The following NEXMIF variants were observed in gnomAD, a reference collection of about 807,000 sequenced individuals.
NEXMIF encodes the protein neurite extension and migration factor.
NEXMIF carries 8 observed loss-of-function variants against 62.1 expected under a neutral mutation model. That is an observed-to-expected ratio of 0.13 (90% CI 0.08 to 0.23). The LOEUF is 0.23. Ranked by LOEUF, NEXMIF falls within the 10% of genes least tolerant of loss-of-function variation. The pLI is 1.00. For missense variants in NEXMIF, 976 were observed against 1,113.3 expected (o/e 0.88, Z 1.75); for synonymous variants, 404 against 416.6 (o/e 0.97, Z 0.37).
chrX:74,856,476 G>A (rs992626116), intron 1 of NEXMIF, among the ~76,000 whole-genome samples: 18 of 111,483 alleles, frequency 1.6e-4, no homozygotes, highest in African/African-American at 3.9e-4. Context: ...GCCCAGAAGC[G>A]GAGGAGAGAG....
At chrX:74,833,349 A>T (rs2080445104) in intron 1 of NEXMIF, among the ~76,000 whole-genome samples, 1 of 111,781 alleles carries the variant, frequency 8.9e-6, no homozygotes, top group Non-Finnish European at 1.9e-5. Context: ...ACCCTTTATC[A>T]TTATATAATG....
intron 1 of NEXMIF, among the ~76,000 whole-genome samples, chrX:74,837,977 T>G (rs1179715864): frequency 9.0e-6 from 1 of 111,562 alleles, no homozygotes; most frequent in African/African-American, 3.3e-5. Flanking sequence ...GTGTCTTTTA[T>G]AAGTAAGTGG....
At chrX:74,753,609 T>A (rs1206542047) in intron 1 of NEXMIF, among the ~76,000 whole-genome samples, 1 of 111,033 alleles carries the variant, frequency 9.0e-6, no homozygotes, top group African/African-American at 3.3e-5. Flanking sequence ...CCAAAATCCA[T>A]CTGAGAAGTA....
chrX:74,802,314 C>T (rs979763051), intron 1 of NEXMIF, among the ~76,000 whole-genome samples: 3 of 111,327 alleles, frequency 2.7e-5, no homozygotes, highest in African/African-American at 6.5e-5. Flanking sequence ...GGTGGTCACG[C>T]GGGGTGCTTG....
intron 1 of NEXMIF, among the ~76,000 whole-genome samples, chrX:74,890,069 C>T (rs932253624): frequency 1.9e-5 from 2 of 107,231 alleles, no homozygotes; most frequent in Admixed American, 2.0e-4. Flanking sequence ...TTAGTTTCTT[C>T]CTTCTCCCTG....
In NEXMIF at chrX:74,758,156, T is replaced by C. The variant is rs187058592; in HGVS notation, c.-47-12459A>G. ...CATGCCAAATTAGAATGTCTGTCTC[T>C]TGGGGAAGAGGAGAGTGGGTGGGAA... is the stretch of plus-strand genomic sequence containing the variant. On this transcript the variant is annotated intron_variant, in intron 1 of 3. Transcript: ENST00000055682. Among the ~76,000 whole-genome samples, 86 of 111,203 alleles carry C rather than the reference T, an allele frequency of 7.7e-4. No homozygotes were observed. In the East Asian group the frequency reaches 0.016, roughly 21 times the overall value.
At chrX:74,875,816 T>C (rs1387958263) in intron 1 of NEXMIF, among the ~76,000 whole-genome samples, 1 of 112,067 alleles carries the variant, frequency 8.9e-6, no homozygotes, top group Non-Finnish European at 1.9e-5. Flanking sequence ...TGGTAGTTTG[T>C]ATTTCTGTGG....
chrX:74,740,094 T>C lies in NEXMIF; in HGVS notation c.4457+6A>G. 3.3e-6 allele frequency: 4 copies of C among 1,204,968 alleles called. No individual in the cohort carries two copies. The South Asian group carries it at 7.1e-5, about 21-fold the overall frequency. On this transcript the variant is annotated splice_donor_region_variant and intron_variant, in intron 3 of 3. Coordinates refer to ENST00000055682, the MANE Select transcript of NEXMIF (RefSeq NM_001008537.3). The stretch of plus-strand genomic sequence containing the variant: ...CATCATCTCAGCCATACTGGTGCAG[T>C]ATTACCTCAGTTTTTCAAAAGAAGC...
chrX:74,780,383 T>C lies in NEXMIF; in HGVS notation c.-47-34686A>G, dbSNP rs770639879. On this transcript the variant is annotated intron_variant, in intron 1 of 3. Transcript: ENST00000055682. Reference sequence around the variant, plus strand: ...GATAAAACCATCTTACTGTTTTTTTTTTTTTTTCTTAGAGATGGGGTCTGG... The same window carrying C: ...GATAAAACCATCTTACTGTTTTTTTCTTTTTTTCTTAGAGATGGGGTCTGG... 3.4e-3 allele frequency among the ~76,000 whole-genome samples: 375 copies of C among 109,186 alleles called. 2 individuals are homozygous for C. Among genetic ancestry groups the C allele is most frequent in the African/African-American group, 0.012 (358 of 29,980 alleles). The allele number at this position is 109,186 out of a possible 115,157, so 94.8% of individuals were successfully genotyped here.
intron 1 of NEXMIF, among the ~76,000 whole-genome samples, chrX:74,774,469 C>A (rs2080222654): frequency 9.0e-6 from 1 of 111,329 alleles, no homozygotes; most frequent in Non-Finnish European, 1.9e-5. Flanking sequence ...AGAAATCAGA[C>A]CTTTGGAGCC....
chrX:74,794,351 G>C lies in NEXMIF; in HGVS notation c.-47-48654C>G, dbSNP rs1368682394. ...TGCCCGTTCTCAGATCTCCAGCTGC[G>C]TGCTGGGAGAACCACTGCTCTCTTC... On this transcript the variant is annotated intron_variant, in intron 1 of 3. Transcript: ENST00000055682. 1.0e-3 allele frequency among the ~76,000 whole-genome samples: 107 copies of C among 105,478 alleles called. 3 individuals carry two copies. Among genetic ancestry groups the C allele is most frequent in the Non-Finnish European group, 1.8e-3 (90 of 51,019 alleles). 91.6% of individuals were successfully genotyped at this position (105,478 alleles called of 115,157 possible).
At chrX:74,830,962 GT>G (rs1023636105) in intron 1 of NEXMIF, among the ~76,000 whole-genome samples, 2 of 101,239 alleles carry the variant, frequency 2.0e-5, no homozygotes, top group African/African-American at 3.4e-5. Context: ...TGGCATCGTT[GT>G]TTTTTTTCAA....
chrX:74,847,602 G>A (rs2080496528), intron 1 of NEXMIF, among the ~76,000 whole-genome samples: 1 of 111,542 alleles, frequency 9.0e-6, no homozygotes, highest in African/African-American at 3.3e-5. Context: ...GAAAGGGACA[G>A]CATGAATTTT....
rs1255360749 is a variant in NEXMIF at position 74,741,518 on chromosome X, G to A, written c.3039C>T (p.Ser1013=). 8.3e-7 allele frequency: 1 copy of A among 1,211,557 alleles called. No homozygotes were observed. Among genetic ancestry groups the A allele is most frequent in the South Asian group, 1.8e-5 (1 of 56,956 alleles). ...SSNYCSLSLK[S]CEKDGDDDIT... ...TATCATCATCGCCATCCTTTTCACA[G>A]GACTTCAAGCTTAAGGAGCAATAAT... Residue 1013 remains serine (S), a synonymous_variant, in exon 3 of 4, where the codon TCC becomes TCT. Coordinates refer to ENST00000055682, the MANE Select transcript of NEXMIF (RefSeq NM_001008537.3).
At chrX:74,789,953 T>G (rs2080274145) in intron 1 of NEXMIF, among the ~76,000 whole-genome samples, 1 of 104,255 alleles carries the variant, frequency 9.6e-6, no homozygotes, top group African/African-American at 3.4e-5. Flanking sequence ...GTAGTTTCTT[T>G]TGCTGTGCAG....
intron 1 of NEXMIF, among the ~76,000 whole-genome samples, chrX:74,858,583 C>T (rs571960400): frequency 9.0e-6 from 1 of 111,141 alleles, no homozygotes; most frequent in Admixed American, 9.6e-5. Flanking sequence ...ACGAAGATTA[C>T]AATACACACT....
In NEXMIF at chrX:74,817,633, T is replaced by C. The variant is rs2080380271; in HGVS notation, c.-47-71936A>G. Reference sequence around the variant, plus strand: ...GAGAAAAACTTTGTTTCCCTATAGCTTCTGCCTTAAAATAGAAGTATATTT... The same window carrying C: ...GAGAAAAACTTTGTTTCCCTATAGCCTCTGCCTTAAAATAGAAGTATATTT... On this transcript the variant is annotated intron_variant, in intron 1 of 3. Coordinates refer to ENST00000055682, the MANE Select transcript of NEXMIF (RefSeq NM_001008537.3). Among the ~76,000 whole-genome samples the C allele has an allele frequency of 2.7e-5, 3 of 111,773 alleles. No individual in the cohort carries two copies. In the Admixed American group the frequency reaches 2.9e-4, roughly 11 times the overall value.
chrX:74,912,129 C>T (rs753777744), intron 1 of NEXMIF, among the ~76,000 whole-genome samples: 1 of 111,598 alleles, frequency 9.0e-6, no homozygotes, highest in South Asian at 3.9e-4. Flanking sequence ...TCCACTAACT[C>T]TTTGGGACTT....
intron 1 of NEXMIF, among the ~76,000 whole-genome samples, chrX:74,890,271 T>G (rs1001462507): frequency 9.0e-6 from 1 of 111,138 alleles, no homozygotes; most frequent in Non-Finnish European, 1.9e-5. Flanking sequence ...TGAGTCATAC[T>G]TTATAGACAG....
Sources: allele counts gnomAD v4.1 joint callset (sites outside exome capture counted in the v4.1 genomes callset), GRCh38; gene constraint gnomAD v4.1.1; transcripts MANE v1.5; gene names NCBI Gene and HGNC (gene_info 2026-07-23, HGNC 2026-07-21).